Variants in SEPTIN11 observed in about 807,000 individuals in gnomAD.
SEPTIN11 encodes the protein septin 11.
Under a neutral mutation model 51.4 loss-of-function variants are expected in SEPTIN11, and 25 were observed. That is an observed-to-expected ratio of 0.49 (90% CI 0.35 to 0.68). The LOEUF (loss-of-function observed/expected upper bound fraction) is 0.68. Among genes scored for constraint, SEPTIN11 ranks in the 30% least tolerant of loss-of-function variants. The probability of loss-of-function intolerance (pLI) is 0.00; values close to 1 mark genes in which losing one functional copy is unlikely to be tolerated. For missense variants in SEPTIN11, 381 were observed against 520.8 expected (o/e 0.73, Z 2.61); for synonymous variants, 174 against 184.1 (o/e 0.95, Z 0.44).
chr4:76,980,165 T>C (rs1722701521), intron 1 of SEPTIN11, among the ~76,000 whole-genome samples: 1 of 152,182 alleles, frequency 6.6e-6, no homozygotes, highest in South Asian at 2.1e-4. Flanking sequence ...ATCATATAGG[T>C]ACTCCCAGCA....
At chr4:77,029,068 A>G (rs1221341116) in intron 8 of SEPTIN11, among the ~76,000 whole-genome samples, 2 of 152,130 alleles carry the variant, frequency 1.3e-5, no homozygotes, top group African/African-American at 2.4e-5. Flanking sequence ...TGTTTCTTCA[A>G]TTTACAAGTC....
intron 8 of SEPTIN11, 149 bp downstream of exon 8, chr4:77,028,910 C>G: frequency 6.4e-6 from 5 of 784,374 alleles, no homozygotes; most frequent in Non-Finnish European, 9.9e-6. Flanking sequence ...GAAAATGGGT[C>G]AGATATTCTC....
chr4:76,978,561 CACTT>C (rs1215434184), intron 1 of SEPTIN11, among the ~76,000 whole-genome samples: 1 of 152,166 alleles, frequency 6.6e-6, no homozygotes, highest in Non-Finnish European at 1.5e-5. Flanking sequence ...CTGGCCCTAC[CACTT>C]ACTTGCTGCA....
At chr4:76,962,661 AGAGATAAAAG>A (rs1721870199) in intron 1 of SEPTIN11, among the ~76,000 whole-genome samples, 1 of 152,220 alleles carries the variant, frequency 6.6e-6, no homozygotes, top group Non-Finnish European at 1.5e-5. Context: ...TACTAGCTTT[AGAGATAAAAG>A]GACATTGGAA....
rs1399725566 is a variant in SEPTIN11, at chr4:77,005,586, T to C, written c.143-15T>C. The stretch of plus-strand genomic sequence containing the variant: ...CATTGACACATTCTCTGATTTTTCT[T>C]TTGTGGTTATGTAGGTGAGACAGGC... On this transcript the variant is annotated splice_polypyrimidine_tract_variant and intron_variant, in intron 2 of 9. Coordinates refer to ENST00000264893, the MANE Select transcript of SEPTIN11 (RefSeq NM_018243.4). The C allele has an allele frequency of 6.2e-7, 1 of 1,604,510 alleles. No homozygotes were observed. Among genetic ancestry groups the C allele is most frequent in the Non-Finnish European group, 8.5e-7 (1 of 1,173,996 alleles).
intron 5 of SEPTIN11, among the ~76,000 whole-genome samples, 162 bp downstream of exon 5, chr4:77,015,179 C>T (rs542192048): frequency 6.6e-6 from 1 of 152,298 alleles, no homozygotes; most frequent in Non-Finnish European, 1.5e-5. Flanking sequence ...TCTGCTCCTC[C>T]GTTTCTCCAT....
At chr4:77,027,436 T>C (rs138304057) in intron 7 of SEPTIN11, among the ~76,000 whole-genome samples, 11 of 152,322 alleles carry the variant, frequency 7.2e-5, no homozygotes, top group African/African-American at 1.9e-4. Flanking sequence ...ATGCTTGGCC[T>C]AATACATTTT....
intron 2 of SEPTIN11, among the ~76,000 whole-genome samples, chr4:77,001,673 C>G (rs1395926477): frequency 6.6e-6 from 1 of 152,108 alleles, no homozygotes; most frequent in East Asian, 1.9e-4. Context: ...TAATAAATGT[C>G]TCCTTTGTGC....
In SEPTIN11 at chr4:77,014,901, A is replaced by C; in HGVS notation, c.571A>C (p.Asn191His). ...TGCAAAAGCTGACACCATTGCCAAG[A>C]ATGAACTGCACAAATTCAAGAGTAA... is the stretch of plus-strand genomic sequence containing the variant. The part of the protein sequence containing the change: ...IIAKADTIAK[N>H]ELHKFKSKIM... The change falls in exon 5 of 10, where the codon AAT becomes CAT. Residue 191 changes from asparagine to histidine, a missense_variant. Asn to His is a moderately conservative substitution (Grantham distance 68, BLOSUM62 1). Transcript: ENST00000264893. 1 of 1,614,170 alleles carries C rather than the reference A, an allele frequency of 6.2e-7. No homozygotes were observed. Among genetic ancestry groups the C allele is most frequent in the Non-Finnish European group, 8.5e-7 (1 of 1,180,002 alleles).
chr4:77,011,753 A>G lies in SEPTIN11; in HGVS notation c.357A>G (p.Glu119=), dbSNP rs780055583. 6.8e-6 allele frequency: 11 copies of G among 1,614,004 alleles called. No homozygotes were observed. The highest frequency in any genetic ancestry group is 2.2e-5 in the East Asian group (1 of 44,882). Residue 119 remains glutamate (E), a synonymous_variant, in exon 4 of 10, where the codon GAA becomes GAG. Coordinates refer to ENST00000264893, the MANE Select transcript of SEPTIN11 (RefSeq NM_018243.4). ...NKDDSYKPIV[E]YIDAQFEAYL... ...ATTCTAGCTATAAGCCGATAGTAGAATATATTGATGCCCAGTTCGAGGCCT... is the reference window on the plus strand; with the variant it reads ...ATTCTAGCTATAAGCCGATAGTAGAGTATATTGATGCCCAGTTCGAGGCCT...
Position 76,949,804 on chromosome 4 carries a change from G to T in SEPTIN11, c.-100G>T. The T allele has an allele frequency of 7.5e-7, 1 of 1,325,762 alleles. No individual in the cohort carries two copies. Among genetic ancestry groups the T allele is most frequent in the Non-Finnish European group, 1.0e-6 (1 of 975,016 alleles). 82.1% of individuals were successfully genotyped at this position (1,325,762 alleles called of 1,614,324 possible). ...ACGCCGGCGAGCAGAGCGCAGCCGCGAGGGAGGCGCGAGGGAGGCGAGCCG... is the reference window on the plus strand; with the variant it reads ...ACGCCGGCGAGCAGAGCGCAGCCGCTAGGGAGGCGCGAGGGAGGCGAGCCG... On this transcript the variant is annotated 5_prime_UTR_variant, in exon 1 of 10. Transcript: ENST00000264893.
At chr4:76,971,523 A>G (rs113293362) in intron 1 of SEPTIN11, among the ~76,000 whole-genome samples, 29 of 152,214 alleles carry the variant, frequency 1.9e-4, no homozygotes, top group African/African-American at 5.3e-4. Flanking sequence ...GCAGACATCA[A>G]TGTATACTGG....
At chr4:76,972,869 A>G (rs975635897) in intron 1 of SEPTIN11, 4 of 152,220 alleles carry the variant, frequency 2.6e-5, no homozygotes, top group South Asian at 2.1e-4. Flanking sequence ...CATTCTGTCA[A>G]CAGACTTATG....
chr4:77,000,993 A>G (rs1486129179), intron 2 of SEPTIN11, among the ~76,000 whole-genome samples: 1 of 152,226 alleles, frequency 6.6e-6, no homozygotes, highest in African/African-American at 2.4e-5. Context: ...AAGATGCTGA[A>G]TCACAGATCA....
chr4:76,950,630 T>A (rs1384797478), intron 1 of SEPTIN11, among the ~76,000 whole-genome samples: 4 of 151,560 alleles, frequency 2.6e-5, no homozygotes, highest in African/African-American at 9.7e-5. Flanking sequence ...GGCGGGTGCG[T>A]GAAGAATCGA....
chr4:76,961,303 C>T (rs987268289), intron 1 of SEPTIN11, among the ~76,000 whole-genome samples: 7 of 151,854 alleles, frequency 4.6e-5, no homozygotes, highest in African/African-American at 9.7e-5. Flanking sequence ...TAGTTTAAGG[C>T]GAGGATAAAA....
intron 2 of SEPTIN11, among the ~76,000 whole-genome samples, chr4:77,003,786 T>C (rs549426975): frequency 3.3e-5 from 5 of 152,278 alleles, no homozygotes; most frequent in Non-Finnish European, 7.4e-5. Context: ...GATTTTGTCA[T>C]TATAGTGGGA....
chr4:76,959,507 A>G (rs1034442106), intron 1 of SEPTIN11, among the ~76,000 whole-genome samples: 24 of 152,116 alleles, frequency 1.6e-4, no homozygotes, highest in Middle Eastern at 3.4e-3. Context: ...GATGGAACTC[A>G]TAATCTCTCA....
intron 3 of SEPTIN11, among the ~76,000 whole-genome samples, chr4:77,011,523 G>C (rs2645648): frequency 0.014 from 1,895 of 133,686 alleles, 32 homozygotes; most frequent in African/African-American, 0.047. Context: ...TGACATGGGT[G>C]GGGGGCGGGC....
Sources: gnomAD v4.1 joint callset for allele counts (sites outside exome capture counted in the v4.1 genomes callset) on GRCh38, gnomAD v4.1.1 for gene constraint, MANE v1.5 for transcripts, NCBI Gene and HGNC (gene_info 2026-07-23, HGNC 2026-07-21) for gene names.